The following CEP135 variants were observed in gnomAD, a reference collection of about 807,000 sequenced individuals.
The protein encoded by CEP135 is centrosomal protein of 135 kDa.
In CEP135, 142 loss-of-function variants were observed where a neutral mutation model predicts 157.3. That is an observed-to-expected ratio of 0.90 (90% CI 0.79 to 1.04). CEP135 has a LOEUF of 1.04. CEP135 is among the 50% of genes least tolerant of loss of function. CEP135 has a pLI of 0.00. For missense variants in CEP135, 1,317 were observed against 1,309.2 expected (o/e 1.01, Z -0.09); for synonymous variants, 396 against 439.8 (o/e 0.90, Z 1.25).
At chr4:55,960,732 C>G (rs1158894714) in intron 6 of CEP135, 1 of 151,946 alleles carries the variant, frequency 6.6e-6, no homozygotes, top group Admixed American at 6.6e-5. Flanking sequence ...TGAGACCATC[C>G]TGGCCAACAT....
At position 55,971,250 on chromosome 4, in the gene CEP135, T is replaced by C; in HGVS notation, c.1111-20T>C. The C allele has an allele frequency of 6.5e-7, 1 of 1,530,634 alleles. No individual in the cohort carries two copies. The highest frequency in any genetic ancestry group is 8.8e-7 in the Non-Finnish European group (1 of 1,137,002). The allele number at this position is 1,530,634 out of a possible 1,614,324, so 94.8% of individuals were successfully genotyped here. A position where few individuals can be genotyped will look rare whatever the true frequency, so the allele number is the denominator to read the frequency against. ...TTATAAAGTTGTTAGAAATCTTAAT[T>C]ATAGTATTAAAATTTGCAGGAATTG... On this transcript the variant is annotated intron_variant, in intron 9 of 25. Coordinates refer to ENST00000257287, the MANE Select transcript of CEP135 (RefSeq NM_025009.5).
chr4:55,951,223 G>A (rs1728353474), intron 1 of CEP135, among the ~76,000 whole-genome samples: 1 of 152,136 alleles, frequency 6.6e-6, no homozygotes, highest in African/African-American at 2.4e-5. Context: ...TTCTTGTAGA[G>A]TATTTTTGTG....
At chr4:56,005,007 G>A (rs1730308296) in intron 17 of CEP135, among the ~76,000 whole-genome samples, 2 of 150,266 alleles carry the variant, frequency 1.3e-5, no homozygotes, top group African/African-American at 4.9e-5. Flanking sequence ...ATCCTTCGTG[G>A]TTAAGTGATT....
At chr4:55,951,924 G>A (rs1728371791) in intron 1 of CEP135, among the ~76,000 whole-genome samples, 162 bp from the exon 2 acceptor site, 1 of 152,140 alleles carries the variant, frequency 6.6e-6, no homozygotes, top group Non-Finnish European at 1.5e-5. Flanking sequence ...GCAGTAACAG[G>A]AATATCATAA....
chr4:55,987,819 G>T (rs1012010302), intron 14 of CEP135, among the ~76,000 whole-genome samples: 6 of 152,082 alleles, frequency 3.9e-5, no homozygotes, highest in African/African-American at 1.2e-4. Flanking sequence ...AGCCTGAGAA[G>T]ATCTAATATT....
In CEP135 at chr4:56,008,269, T is replaced by C. The variant is rs1730425845; in HGVS notation, c.2281-58T>C. On this transcript the variant is annotated intron_variant, in intron 17 of 25. Transcript: ENST00000257287. ...AACTATATGAATATGACAAGTTACA[T>C]AAATTTAGCTAAAGACATTTTGGTT... The C allele has an allele frequency of 4.8e-6, 6 of 1,261,830 alleles. No homozygotes were observed. In the Admixed American group the frequency reaches 1.1e-4, roughly 22 times the overall value. The allele number at this position is 1,261,830 out of a possible 1,614,324, so 78.2% of individuals were successfully genotyped here.
At chr4:56,016,558 GTAT>G (rs1730781010) in intron 21 of CEP135, among the ~76,000 whole-genome samples, 1 of 152,016 alleles carries the variant, frequency 6.6e-6, no homozygotes, top group Non-Finnish European at 1.5e-5. Flanking sequence ...CAATACTAAA[GTAT>G]TATATTTGTT....
intron 8 of CEP135, chr4:55,966,324 T>C (rs1728843217): frequency 6.4e-6 from 1 of 155,174 alleles, no homozygotes; most frequent in Non-Finnish European, 1.4e-5. Context: ...TCCAAGTAGC[T>C]GGAATTACAG....
chr4:55,986,689 A>G (rs1729599194), intron 14 of CEP135, among the ~76,000 whole-genome samples: 2 of 152,202 alleles, frequency 1.3e-5, no homozygotes, highest in Non-Finnish European at 2.9e-5. Context: ...ATTCAGGGGT[A>G]CATGTACAGT....
At chr4:55,991,183 A>G (rs1232280880) in intron 14 of CEP135, among the ~76,000 whole-genome samples, 1 of 152,094 alleles carries the variant, frequency 6.6e-6, no homozygotes, top group African/African-American at 2.4e-5. Context: ...TCACCGTGCT[A>G]GCCAGGATAG....
chr4:55,957,556 A>G (rs753638567), intron 5 of CEP135, among the ~76,000 whole-genome samples, 192 bp downstream of exon 5: 36 of 152,242 alleles, frequency 2.4e-4, no homozygotes, highest in Admixed American at 6.5e-4. Context: ...CTTTGATCAA[A>G]TGGATCATAT....
At chr4:56,004,657 AG>A (rs1400876782) in intron 17 of CEP135, among the ~76,000 whole-genome samples, 3 of 152,314 alleles carry the variant, frequency 2.0e-5, no homozygotes, top group East Asian at 1.9e-4. Flanking sequence ...AATTCTATAT[AG>A]TGACCTTTGT....
At chr4:55,973,573 C>G (rs1376327905) in intron 10 of CEP135, among the ~76,000 whole-genome samples, 3 of 152,182 alleles carry the variant, frequency 2.0e-5, no homozygotes, top group African/African-American at 7.2e-5. Context: ...CCTAACTTCT[C>G]TAATTTTAAA....
intron 25 of CEP135, among the ~76,000 whole-genome samples, chr4:56,030,691 G>A (rs1048514647): frequency 1.3e-5 from 2 of 152,150 alleles, no homozygotes; most frequent in Non-Finnish European, 2.9e-5. Context: ...CTGGGTTCAA[G>A]CGATCCTCCT....
In CEP135 at chr4:55,974,932, C is replaced by T. The variant is rs1729148921; in HGVS notation, c.1436C>T (p.Ala479Val). ...QRRSCSTSYSAREKSSIFRTP... is the reference protein window; with the variant it reads ...QRRSCSTSYSVREKSSIFRTP... ...AGATCTTGCTCTACAAGTTATAGCGCACGTGAAAAAAGTTCAATATTTAGA... is the reference window on the plus strand; with the variant it reads ...AGATCTTGCTCTACAAGTTATAGCGTACGTGAAAAAAGTTCAATATTTAGA... Residue 479 changes from alanine (A) to valine (V), a missense_variant, in exon 11 of 26, where the codon GCA becomes GTA. Physicochemically the swap from Ala to Val is moderately conservative, Grantham distance 64. Coordinates refer to ENST00000257287, the MANE Select transcript of CEP135 (RefSeq NM_025009.5). 1 of 1,606,106 alleles carries T rather than the reference C, an allele frequency of 6.2e-7. No homozygotes were observed.
chr4:55,962,183 T>A (rs1728703487), intron 6 of CEP135, among the ~76,000 whole-genome samples: 1 of 152,024 alleles, frequency 6.6e-6, no homozygotes, highest in Admixed American at 6.6e-5. Context: ...CACTGCAAGC[T>A]CTTCCTCCTG....
In CEP135 at chr4:56,012,004, T is replaced by G. The variant is rs767966910; in HGVS notation, c.2802+19T>G. The G allele has an allele frequency of 7.2e-7, 1 of 1,386,028 alleles. No individual in the cohort carries two copies. The highest frequency in any genetic ancestry group is 2.6e-5 in the Admixed American group (1 of 38,466). 85.9% of individuals were successfully genotyped at this position (1,386,028 alleles called of 1,614,324 possible). ...TCAAGAGGTAATATATTTATTTGTT[T>G]TGTAAAGATGTTATTTAGTGAAACA... On this transcript the variant is annotated intron_variant, in intron 21 of 25. Transcript: ENST00000257287.
Position 56,009,916 on chromosome 4 carries a change from G to T in CEP135, c.2505+13G>T. ...AAGAGAAAATCAAGTATGAACACAA[G>T]GCATAAATTTTGATAGTTTTATACT... On this transcript the variant is annotated intron_variant, in intron 19 of 25. Transcript: ENST00000257287. 6.2e-7 allele frequency: 1 copy of T among 1,607,034 alleles called. No individual in the cohort carries two copies. Among genetic ancestry groups the T allele is most frequent in the South Asian group, 1.1e-5 (1 of 89,064 alleles).
At chr4:55,964,576 T>C (rs1211874897) in intron 7 of CEP135, among the ~76,000 whole-genome samples, 174 bp downstream of exon 7, 2 of 152,136 alleles carry the variant, frequency 1.3e-5, no homozygotes, top group African/African-American at 4.8e-5. Flanking sequence ...GGTGGAGTTA[T>C]TGAAAAATCA....
Sources: allele counts gnomAD v4.1 joint callset (sites outside exome capture counted in the v4.1 genomes callset), GRCh38; gene constraint gnomAD v4.1.1; transcripts MANE v1.5; gene names NCBI Gene and HGNC (gene_info 2026-07-23, HGNC 2026-07-21).